Variants in CRTAC1 observed in about 807,000 individuals in gnomAD.
The protein encoded by CRTAC1 is cartilage acidic protein 1.
In CRTAC1, 37 loss-of-function variants were observed where a neutral mutation model predicts 67.8. The ratio of observed to expected loss-of-function variants is 0.55; its 90% CI spans 0.42 to 0.72. The LOEUF is 0.72. Among genes scored for constraint, CRTAC1 ranks in the 30% least tolerant of loss-of-function variants. The pLI, the probability that CRTAC1 is intolerant of heterozygous loss-of-function variation, is 0.00. For synonymous variants in CRTAC1, 348 were observed against 371.0 expected, an observed-to-expected ratio of 0.94 and a Z score of 0.71; for missense variants, 780 against 931.6, an observed-to-expected ratio of 0.84 and a Z score of 2.12.
chr10:97,902,241 G>C (rs548142374), intron 7 of CRTAC1, among the ~76,000 whole-genome samples: 10 of 152,330 alleles, frequency 6.6e-5, no homozygotes, highest in African/African-American at 2.4e-4. Context: ...TGGGTTGTGA[G>C]GATTGCATGT....
chr10:97,925,116 C>T (rs2050893810), intron 3 of CRTAC1, among the ~76,000 whole-genome samples: 1 of 152,068 alleles, frequency 6.6e-6, no homozygotes, highest in Non-Finnish European at 1.5e-5. Flanking sequence ...CCCTCCCCCT[C>T]AAAAATTAGC....
intron 2 of CRTAC1, among the ~76,000 whole-genome samples, chr10:97,982,797 T>C (rs1417069798): frequency 6.6e-6 from 1 of 152,236 alleles, no homozygotes; most frequent in East Asian, 1.9e-4. Context: ...AAGTTTGTGG[T>C]CTAGCCTGTT....
chr10:97,901,629 G>A lies in CRTAC1; in HGVS notation c.1007C>T (p.Ser336Leu), dbSNP rs1469977950. Residue 336 changes from serine (S) to leucine (L), a missense_variant, in exon 8 of 15, where the codon TCA becomes TTA. By Grantham distance (145) the Ser-to-Leu change is moderately radical (BLOSUM62 -2). Transcript: ENST00000370597. ...HGKVRFRDIA[S>L]PKFSMPSPVR... ...AGGGGAGGGCATGGAGAACTTGGGT[G>A]AGGCGATGTCCTGGAGGAAACAAGG... The A allele has an allele frequency of 2.5e-6, 4 of 1,614,066 alleles. No homozygotes were observed. Among genetic ancestry groups the A allele is most frequent in the Non-Finnish European group, 3.4e-6 (4 of 1,180,024 alleles).
At chr10:97,956,981 A>ATTT (rs56688088) in intron 2 of CRTAC1, among the ~76,000 whole-genome samples, 9 of 139,888 alleles carry the variant, frequency 6.4e-5, no homozygotes, top group African/African-American at 2.4e-4. Flanking sequence ...TAATACTTGT[A>ATTT]TTTTTTTTTT....
Position 98,030,620 on chromosome 10 carries a change from A to G in CRTAC1, c.-148T>C. On this transcript the variant is annotated 5_prime_UTR_variant, in exon 1 of 15. Transcript: ENST00000370597. The surrounding 1 kb of genome is among the most constrained non-coding windows in gnomAD (Gnocchi z 4.2). ...CCCCGACGCCGCGCGCTCGCTTTAT[A>G]CAACTCCACTCGAGCGCGCCCGGTC... 1 of 421,684 alleles carries G rather than the reference A, an allele frequency of 2.4e-6. No homozygotes were observed. Among genetic ancestry groups the G allele is most frequent in the Non-Finnish European group, 3.9e-6 (1 of 254,198 alleles). The allele number at this position is 421,684 out of a possible 1,614,324, so 26.1% of individuals were successfully genotyped here.
intron 5 of CRTAC1, among the ~76,000 whole-genome samples, chr10:97,912,897 T>C (rs2050707839): frequency 6.6e-6 from 1 of 152,228 alleles, no homozygotes; most frequent in South Asian, 2.1e-4. Context: ...AGGATAAGCA[T>C]GTTGGGGGCT....
chr10:97,879,651 T>C (rs1336466018), intron 14 of CRTAC1: 1 of 1,533,172 alleles, frequency 6.5e-7, no homozygotes, highest in South Asian at 1.2e-5. Flanking sequence ...AGGCTGTTAG[T>C]TTTGTTTTGT....
chr10:97,885,300 G>T (rs2050267187), intron 11 of CRTAC1, among the ~76,000 whole-genome samples: 1 of 152,110 alleles, frequency 6.6e-6, no homozygotes, highest in Non-Finnish European at 1.5e-5. Context: ...AGGACTTCAA[G>T]GCCAGCCTGG....
intron 2 of CRTAC1, among the ~76,000 whole-genome samples, chr10:97,969,936 C>G (rs1264705474): frequency 6.6e-6 from 1 of 152,206 alleles, no homozygotes; most frequent in Non-Finnish European, 1.5e-5. Context: ...CCCCAGACCT[C>G]TTCCCTGAAC....
chr10:97,917,016 C>T (rs999052741), intron 5 of CRTAC1, among the ~76,000 whole-genome samples: 2 of 152,138 alleles, frequency 1.3e-5, no homozygotes, highest in African/African-American at 2.4e-5. Context: ...CTCAGTTATC[C>T]GAGACGGGAC....
At chr10:97,997,031 A>G (rs1198446200) in intron 2 of CRTAC1, among the ~76,000 whole-genome samples, 1 of 140,670 alleles carries the variant, frequency 7.1e-6, no homozygotes, top group Non-Finnish European at 1.5e-5. Flanking sequence ...TGGGAATTGA[A>G]CAATGAGAAC....
chr10:97,974,983 G>A (rs1203507774), intron 2 of CRTAC1, among the ~76,000 whole-genome samples: 2 of 152,032 alleles, frequency 1.3e-5, no homozygotes, highest in Non-Finnish European at 2.9e-5. Context: ...AGCGGGCAGT[G>A]GGGGAGGAGG....
intron 13 of CRTAC1, among the ~76,000 whole-genome samples, chr10:97,882,240 C>CA (rs1171740022): frequency 6.6e-6 from 1 of 152,178 alleles, no homozygotes; most frequent in Non-Finnish European, 1.5e-5. Context: ...TAGGCTGCCC[C>CA]TTCCCATTCC....
intron 9 of CRTAC1, among the ~76,000 whole-genome samples, 177 bp downstream of exon 9, chr10:97,896,732 T>TC (rs1448067150): frequency 6.6e-6 from 1 of 152,114 alleles, no homozygotes; most frequent in Non-Finnish European, 1.5e-5. Flanking sequence ...TGCCTGGCCA[T>TC]CCCCAGGGTT....
At chr10:97,936,132 G>C in intron 3 of CRTAC1, 38 bp downstream of exon 3, 1 of 1,543,482 alleles carries the variant, frequency 6.5e-7, no homozygotes, top group Non-Finnish European at 8.8e-7. Flanking sequence ...GGAGGGAGAA[G>C]ATGGGAAGCA....
intron 2 of CRTAC1, among the ~76,000 whole-genome samples, chr10:97,967,999 A>T (rs1286331484): frequency 6.6e-6 from 1 of 152,228 alleles, no homozygotes; most frequent in African/African-American, 2.4e-5. Context: ...ATTTAGACAA[A>T]TAAAGGATAC....
At chr10:98,007,913 C>A (rs528840983) in intron 2 of CRTAC1, among the ~76,000 whole-genome samples, 26 of 152,126 alleles carry the variant, frequency 1.7e-4, no homozygotes, top group Non-Finnish European at 3.7e-4. Context: ...GAAATGAATG[C>A]CCAGCACTTG....
intron 14 of CRTAC1, among the ~76,000 whole-genome samples, chr10:97,879,340 G>A (rs1471102543): frequency 2.0e-5 from 3 of 152,126 alleles, no homozygotes; most frequent in East Asian, 3.9e-4. Context: ...GCAACCACCT[G>A]GGAGCCATCT....
intron 11 of CRTAC1, among the ~76,000 whole-genome samples, chr10:97,892,396 C>T (rs1045214627): frequency 6.6e-6 from 1 of 152,176 alleles, no homozygotes; most frequent in African/African-American, 2.4e-5. Context: ...CCAACCAGAA[C>T]CCTGGATAAG....
Sources: allele counts gnomAD v4.1 joint callset (sites outside exome capture counted in the v4.1 genomes callset), GRCh38; gene constraint gnomAD v4.1.1; non-coding constraint Gnocchi (gnomAD v3.1); transcripts MANE v1.5; gene names NCBI Gene and HGNC (gene_info 2026-07-23, HGNC 2026-07-21).